Variants in CTNNA2 observed in about 807,000 individuals in gnomAD.
CTNNA2 encodes the protein catenin alpha 2.
In CTNNA2, 42 loss-of-function variants were observed where a neutral mutation model predicts 101.0. The ratio of observed to expected loss-of-function variants is 0.42; its 90% CI spans 0.32 to 0.54. The LOEUF (loss-of-function observed/expected upper bound fraction) is 0.54. Ranked by LOEUF, CTNNA2 falls within the 20% of genes least tolerant of loss-of-function variation. The probability of loss-of-function intolerance (pLI) is 0.14; values close to 1 mark genes in which losing one functional copy is unlikely to be tolerated. For synonymous variants in CTNNA2, 450 were observed against 456.4 expected, an observed-to-expected ratio of 0.99 and a Z score of 0.18; for missense variants, 871 against 1,223.1, an observed-to-expected ratio of 0.71 and a Z score of 4.29.
At chr2:79,717,093 C>T (rs1398107503) in intron 2 of CTNNA2, among the ~76,000 whole-genome samples, 1 of 151,978 alleles carries the variant, frequency 6.6e-6, no homozygotes, top group East Asian at 1.9e-4. Flanking sequence ...AAATGAAAGC[C>T]ATTTCTATTT....
At chr2:80,115,926 C>T (rs1030994818) in intron 7 of CTNNA2, among the ~76,000 whole-genome samples, 30 of 152,140 alleles carry the variant, frequency 2.0e-4, no homozygotes, top group African/African-American at 7.2e-4. Flanking sequence ...CTTTGTTTCT[C>T]TACCCATATG....
chr2:79,689,211 C>T (rs1211054817), intron 2 of CTNNA2, among the ~76,000 whole-genome samples: 1 of 151,858 alleles, frequency 6.6e-6, no homozygotes, highest in African/African-American at 2.4e-5. Flanking sequence ...TTTTTGTGAT[C>T]TAACCTCAAA....
At chr2:80,450,634 A>G (rs1467213610) in intron 9 of CTNNA2, among the ~76,000 whole-genome samples, 1 of 152,178 alleles carries the variant, frequency 6.6e-6, no homozygotes, top group Non-Finnish European at 1.5e-5. Flanking sequence ...TTAAAAAAGC[A>G]GAATATGATA....
intron 7 of CTNNA2, among the ~76,000 whole-genome samples, chr2:80,387,997 T>C (rs1489005838): frequency 1.3e-5 from 2 of 152,046 alleles, no homozygotes; most frequent in East Asian, 3.9e-4. Flanking sequence ...CAGGTAAAGA[T>C]AAAGAAGAAA....
At chr2:79,509,934 C>T (rs1252597558), upstream of CTNNA2, among the ~76,000 whole-genome samples, 1 of 152,152 alleles carries the variant, frequency 6.6e-6, no homozygotes, top group African/African-American at 2.4e-5. Flanking sequence ...TCTATTAAAG[C>T]AATGAAATTG....
chr2:79,873,123 T>G (rs1226927823), intron 5 of CTNNA2, among the ~76,000 whole-genome samples: 1 of 152,158 alleles, frequency 6.6e-6, no homozygotes, highest in Non-Finnish European at 1.5e-5. Context: ...AAAATGATAA[T>G]TAAGGGACAC....
At chr2:79,346,172 G>C (rs1311882268) in intron 3 of CTNNA2, among the ~76,000 whole-genome samples, 1 of 152,140 alleles carries the variant, frequency 6.6e-6, no homozygotes, top group Non-Finnish European at 1.5e-5. Flanking sequence ...ATTTTGCTTT[G>C]TGTTGCATTG....
chr2:80,503,935 G>T (rs1267396085), intron 9 of CTNNA2, among the ~76,000 whole-genome samples: 1 of 152,128 alleles, frequency 6.6e-6, no homozygotes, highest in Non-Finnish European at 1.5e-5. Flanking sequence ...AGAACTGGAT[G>T]GAAGGAAAGT....
intron 1 of CTNNA2, among the ~76,000 whole-genome samples, chr2:79,537,318 G>T (rs1573282078): frequency 6.6e-6 from 1 of 152,134 alleles, no homozygotes; most frequent in South Asian, 2.1e-4. Context: ...GCTACTCTGG[G>T]ATTTTAACAT....
At chr2:80,620,950 G>T (rs1033676354) in intron 18 of CTNNA2, among the ~76,000 whole-genome samples, 1 of 151,924 alleles carries the variant, frequency 6.6e-6, no homozygotes, top group Non-Finnish European at 1.5e-5. Flanking sequence ...TCATGTGCAT[G>T]TTTCATTTAT....
At chr2:80,022,307 T>C (rs1280250017) in intron 7 of CTNNA2, among the ~76,000 whole-genome samples, 1 of 152,222 alleles carries the variant, frequency 6.6e-6, no homozygotes, top group African/African-American at 2.4e-5. Flanking sequence ...GATTCTTTCC[T>C]CAGGGATTTT....
At chr2:80,023,943 C>T (rs997546245) in intron 7 of CTNNA2, among the ~76,000 whole-genome samples, 7 of 151,956 alleles carry the variant, frequency 4.6e-5, no homozygotes, top group East Asian at 1.9e-4. Context: ...AAAAATTAGC[C>T]GGGCGTGGTG....
At chr2:79,490,183 C>A (rs904335665) in intron 4 of CTNNA2, among the ~76,000 whole-genome samples, 18 of 152,278 alleles carry the variant, frequency 1.2e-4, no homozygotes, top group African/African-American at 4.1e-4. Context: ...ATATATACTA[C>A]CTGCAATTTC....
chr2:80,144,816 A>C (rs1558849481), intron 7 of CTNNA2, among the ~76,000 whole-genome samples: 1 of 152,176 alleles, frequency 6.6e-6, no homozygotes, highest in Non-Finnish European at 1.5e-5. Flanking sequence ...TTTATGGAAT[A>C]CTTACTCTAT....
chr2:79,335,718 G>A (rs1051411300), intron 3 of CTNNA2, among the ~76,000 whole-genome samples: 3 of 152,112 alleles, frequency 2.0e-5, no homozygotes, highest in Non-Finnish European at 4.4e-5. Context: ...TCATCTGTTG[G>A]GCAAAGATGT....
At chr2:79,976,901 A>G (rs751098752) in intron 7 of CTNNA2, among the ~76,000 whole-genome samples, 62 of 152,148 alleles carry the variant, frequency 4.1e-4, no homozygotes, top group South Asian at 8.3e-4. Context: ...ATTTAGGCAC[A>G]TCATGGCTTC....
chr2:80,457,559 A>C (rs921694659), intron 9 of CTNNA2, among the ~76,000 whole-genome samples: 7 of 152,122 alleles, frequency 4.6e-5, no homozygotes, highest in Non-Finnish European at 8.8e-5. Flanking sequence ...ACTGATGTAA[A>C]AATATACAAA....
intron 1 of CTNNA2, among the ~76,000 whole-genome samples, chr2:79,550,178 C>A (rs981174465): frequency 4.6e-5 from 7 of 152,100 alleles, no homozygotes; most frequent in Non-Finnish European, 1.0e-4. Context: ...TCTGAATTTC[C>A]CCTTTCTGCA....
chr2:80,020,972 A>G (rs1375542781), intron 7 of CTNNA2, among the ~76,000 whole-genome samples: 1 of 143,814 alleles, frequency 7.0e-6, no homozygotes, highest in Non-Finnish European at 1.5e-5. Flanking sequence ...TTTGGTTGAA[A>G]TTTTTGGAAT....
Sources: gnomAD v4.1 joint callset for allele counts (sites outside exome capture counted in the v4.1 genomes callset) on GRCh38, gnomAD v4.1.1 for gene constraint, MANE v1.5 for transcripts, NCBI Gene and HGNC (gene_info 2026-07-23, HGNC 2026-07-21) for gene names.